SEMA7A: variants seen among roughly 807,000 people sequenced by gnomAD.
The protein encoded by SEMA7A is semaphorin-7A.
In SEMA7A, 21 loss-of-function variants were observed where a neutral mutation model predicts 67.5. That is an observed-to-expected ratio of 0.31 (90% CI 0.22 to 0.45). The LOEUF is 0.45. Ranked by LOEUF, SEMA7A falls within the 20% of genes least tolerant of loss-of-function variation. The pLI is 1.00. For synonymous variants in SEMA7A, 364 were observed against 368.5 expected (o/e 0.99, Z 0.14); for missense variants, 774 against 908.6 (o/e 0.85, Z 1.90).
Position 74,410,459 on chromosome 15 carries a change from G to A in SEMA7A, c.*165C>T. ...TCCGTGCGCCACCTGGGGCCCAGCA[G>A]CCGCCTGCGGCTGGACGTCTCCAGG... On this transcript the variant is annotated 3_prime_UTR_variant, in exon 14 of 14. Coordinates refer to ENST00000261918, the MANE Select transcript of SEMA7A (RefSeq NM_003612.5). This position sits in a 1 kb window ranked among gnomAD's most constrained non-coding sequence, Gnocchi z 7.5. The A allele has an allele frequency of 9.4e-7, 1 of 1,064,682 alleles. No homozygotes were observed. The highest frequency in any genetic ancestry group is 1.3e-6 in the Non-Finnish European group (1 of 753,900). The allele number at this position is 1,064,682 out of a possible 1,614,324, so 66.0% of individuals were successfully genotyped here.
rs1234558729 is a variant in SEMA7A, at chr15:74,417,646, C to T, written c.495G>A (p.Glu165=). The T allele has an allele frequency of 1.5e-5, 24 of 1,612,542 alleles. No homozygotes were observed. Among genetic ancestry groups the T allele is most frequent in the Non-Finnish European group, 2.0e-5 (24 of 1,179,898 alleles). ...LVNGTVVPLG[E]MRGYAPFSPD... is the part of the protein sequence containing the mutation. ...GGCTGAAGGGGGCGTAGCCTCTCATCTCGCCAAGTGGCACCACAGTGCCAT... is the reference window on the plus strand; with the variant it reads ...GGCTGAAGGGGGCGTAGCCTCTCATTTCGCCAAGTGGCACCACAGTGCCAT... The change falls in exon 5 of 14, where the codon GAG becomes GAA. Residue 165 remains glutamate, a synonymous_variant. Transcript: ENST00000261918.
intron 1 of SEMA7A, among the ~76,000 whole-genome samples, chr15:74,425,149 A>G (rs2061033160): frequency 6.6e-6 from 1 of 152,250 alleles, no homozygotes; most frequent in African/African-American, 2.4e-5. Context: ...GCATTCCATC[A>G]GAAACCAGAG....
chr15:74,418,897 A>G lies in SEMA7A; in HGVS notation c.234T>C (p.Leu78=). 6.2e-7 allele frequency: 1 copy of G among 1,613,854 alleles called. No homozygotes were observed. Among genetic ancestry groups the G allele is most frequent in the Non-Finnish European group, 8.5e-7 (1 of 1,180,020 alleles). The change falls in exon 2 of 14, where the codon CTT becomes CTC. Residue 78 remains leucine, a synonymous_variant. Coordinates refer to ENST00000261918, the MANE Select transcript of SEMA7A (RefSeq NM_003612.5). ...DFGQTEPHTV[L]FHEPGSSSVW... is the part of the protein sequence containing the mutation. The stretch of plus-strand genomic sequence containing the variant: ...CAGAGGAGCTGCCTGGCTCGTGGAA[A>G]AGCACCGTGTGCGGCTCAGTCTGGC...
rs1235255591 is a variant in SEMA7A at position 74,409,375 on chromosome 15, G to A, written c.*1249C>T. 6.6e-6 allele frequency: 1 copy of A among 152,278 alleles called. No individual in the cohort carries two copies. The highest frequency in any genetic ancestry group is 2.4e-5 in the African/African-American group (1 of 41,476). The allele number at this position is 152,278 out of a possible 1,614,324, so 9.4% of individuals were successfully genotyped here. ...CAGGGGCCAAAGCTGGAAGGCCACT[G>A]GCCCCAGCCACTGCCCTGGGTGGCC... is the stretch of plus-strand genomic sequence containing the variant. On this transcript the variant is annotated 3_prime_UTR_variant, in exon 14 of 14. Coordinates refer to ENST00000261918, the MANE Select transcript of SEMA7A (RefSeq NM_003612.5).
chr15:74,421,360 G>A (rs2060998582), intron 1 of SEMA7A, among the ~76,000 whole-genome samples: 1 of 152,166 alleles, frequency 6.6e-6, no homozygotes, highest in Non-Finnish European at 1.5e-5. Context: ...CTGGCCCCTG[G>A]GTAGGAGCTG....
intron 1 of SEMA7A, chr15:74,427,128 C>A (rs917948546): frequency 5.3e-5 from 40 of 751,272 alleles, no homozygotes; most frequent in Non-Finnish European, 6.3e-5. Context: ...TTCCAGACTG[C>A]TCCAGCCCTC....
intron 1 of SEMA7A, among the ~76,000 whole-genome samples, chr15:74,431,299 T>C (rs1429839958): frequency 6.6e-6 from 1 of 152,048 alleles, no homozygotes; most frequent in Non-Finnish European, 1.5e-5. Context: ...AGCAGGTACA[T>C]GATGGCCCAT....
chr15:74,410,545 G>C lies in SEMA7A; in HGVS notation c.*79C>G. Reference sequence around the variant, plus strand: ...AAGAAGTGGCAGGCAAGGAGCTCCCGGGCCAGCCGGCTCTGAGTGTGAGAC... The same window carrying C: ...AAGAAGTGGCAGGCAAGGAGCTCCCCGGCCAGCCGGCTCTGAGTGTGAGAC... On this transcript the variant is annotated 3_prime_UTR_variant, in exon 14 of 14. Transcript: ENST00000261918. This position sits in a 1 kb window ranked among gnomAD's most constrained non-coding sequence, Gnocchi z 7.5. 1 of 1,506,838 alleles carries C rather than the reference G, an allele frequency of 6.6e-7. No individual in the cohort carries two copies. The highest frequency in any genetic ancestry group is 1.4e-5 in the African/African-American group (1 of 71,678). The allele number at this position is 1,506,838 out of a possible 1,614,324, so 93.3% of individuals were successfully genotyped here.
chr15:74,417,232 A>G (rs2060958091), intron 6 of SEMA7A, 103 bp downstream of exon 6: 1 of 883,646 alleles, frequency 1.1e-6, no homozygotes, highest in South Asian at 1.4e-5. Flanking sequence ...GCATGGCCCC[A>G]GCGGCCCTCA....
In SEMA7A at chr15:74,417,974, C is replaced by G. The variant is rs1371858159; in HGVS notation, c.373-5G>C. 1 of 1,612,690 alleles carries G rather than the reference C, an allele frequency of 6.2e-7. No homozygotes were observed. Among genetic ancestry groups the G allele is most frequent in the Admixed American group, 1.7e-5 (1 of 60,016 alleles). The stretch of plus-strand genomic sequence containing the variant: ...AGTGATGTAGTTCTCGCAGTCCTGC[C>G]CGGGGAAGAGAGAAGGGAGGAGAGA... On this transcript the variant is annotated splice_polypyrimidine_tract_variant and splice_region_variant and intron_variant, in intron 3 of 13. Coordinates refer to ENST00000261918, the MANE Select transcript of SEMA7A (RefSeq NM_003612.5).
At chr15:74,422,737 C>T (rs964437579) in intron 1 of SEMA7A, among the ~76,000 whole-genome samples, 6 of 152,336 alleles carry the variant, frequency 3.9e-5, no homozygotes, top group Middle Eastern at 3.4e-3. Context: ...AGGGACCCTA[C>T]CCTCGATCAC....
intron 1 of SEMA7A, among the ~76,000 whole-genome samples, chr15:74,430,231 G>C (rs2061076933): frequency 6.6e-6 from 1 of 152,148 alleles, no homozygotes; most frequent in Non-Finnish European, 1.5e-5. Flanking sequence ...GAGAGAAAAA[G>C]ATAGGAAAGA....
In SEMA7A at chr15:74,414,986, A is replaced by G; in HGVS notation, c.987-40T>C. 6.5e-7 allele frequency: 1 copy of G among 1,546,460 alleles called. No individual in the cohort carries two copies. Among genetic ancestry groups the G allele is most frequent in the Non-Finnish European group, 8.9e-7 (1 of 1,122,636 alleles). ...AGACCAGCTCAATGGGGGGCCCAGA[A>G]CCCACCCATCCACCTCCACTCACCC... On this transcript the variant is annotated intron_variant, in intron 8 of 13. Coordinates refer to ENST00000261918, the MANE Select transcript of SEMA7A (RefSeq NM_003612.5). This position sits in a 1 kb window ranked among gnomAD's most constrained non-coding sequence, Gnocchi z 4.1.
chr15:74,416,318 AACAC>A (rs371685466), intron 7 of SEMA7A, among the ~76,000 whole-genome samples: 87 of 148,086 alleles, frequency 5.9e-4, no homozygotes, highest in East Asian at 3.7e-3. Context: ...ACACAGGCAA[AACAC>A]ACACACACAC....
intron 1 of SEMA7A, among the ~76,000 whole-genome samples, chr15:74,432,797 C>G (rs1330296570): frequency 6.6e-6 from 1 of 152,146 alleles, no homozygotes; most frequent in Non-Finnish European, 1.5e-5. Flanking sequence ...CCGAATCGGA[C>G]TGGGGGCGGG....
intron 6 of SEMA7A, 78 bp downstream of exon 6, chr15:74,417,257 A>C: frequency 8.6e-7 from 1 of 1,164,208 alleles, no homozygotes; most frequent in Middle Eastern, 2.0e-4. Flanking sequence ...GCCCTCCCAG[A>C]AACATCAGGA....
intron 1 of SEMA7A, among the ~76,000 whole-genome samples, chr15:74,429,227 A>C (rs1404147075): frequency 6.6e-6 from 1 of 152,058 alleles, no homozygotes; most frequent in Admixed American, 6.5e-5. Context: ...GAGCCGTGTG[A>C]AGCTGGGGGT....
In SEMA7A at chr15:74,418,828, G is replaced by C; in HGVS notation, c.303C>G (p.Pro101=). ...TGCGCACAGATGCGTTCTTGCCCTC[G>C]GGGAAGTCAAAGAGGTAGACCTTGC... ...GRGKVYLFDF[P]EGKNASVRTV... The change falls in exon 2 of 14, where the codon CCC becomes CCG. Residue 101 remains proline (P), a synonymous_variant. Coordinates refer to ENST00000261918, the MANE Select transcript of SEMA7A (RefSeq NM_003612.5). 6.2e-7 allele frequency: 1 copy of C among 1,613,868 alleles called. No individual in the cohort carries two copies. Among genetic ancestry groups the C allele is most frequent in the African/African-American group, 1.3e-5 (1 of 75,056 alleles).
chr15:74,422,820 G>A (rs915468352), intron 1 of SEMA7A, among the ~76,000 whole-genome samples: 2 of 152,240 alleles, frequency 1.3e-5, no homozygotes, highest in African/African-American at 4.8e-5. Flanking sequence ...CCTGCCTGGT[G>A]GAGCACGTTT....
Sources: allele counts gnomAD v4.1 joint callset (sites outside exome capture counted in the v4.1 genomes callset), GRCh38; gene constraint gnomAD v4.1.1; non-coding constraint Gnocchi (gnomAD v3.1); transcripts MANE v1.5; gene names NCBI Gene and HGNC (gene_info 2026-07-23, HGNC 2026-07-21).